FBXL13: variants seen among roughly 807,000 people sequenced by gnomAD.
FBXL13 encodes the protein F-box and leucine-rich repeat protein 13.
In FBXL13, 67 loss-of-function variants were observed where a neutral mutation model predicts 83.6. The observed-to-expected ratio is 0.80, with a 90% CI of 0.66 to 0.98. The LOEUF is 0.98. Ranked by LOEUF, FBXL13 falls within the 50% of genes least tolerant of loss-of-function variation. The pLI is 0.00. For synonymous variants in FBXL13, 272 were observed against 299.5 expected (o/e 0.91, Z 0.95); for missense variants, 822 against 866.5 (o/e 0.95, Z 0.64).
intron 6 of FBXL13, among the ~76,000 whole-genome samples, chr7:102,974,696 C>G (rs1159803472): frequency 6.6e-6 from 1 of 152,098 alleles, no homozygotes; most frequent in Non-Finnish European, 1.5e-5. Context: ...CTTTCTCCTC[C>G]CAACTCGACA....
chr7:102,993,294 TACA>T (rs1829770571), intron 6 of FBXL13, among the ~76,000 whole-genome samples: 1 of 152,244 alleles, frequency 6.6e-6, no homozygotes, highest in Non-Finnish European at 1.5e-5. Flanking sequence ...CTGGCTCTTT[TACA>T]ACATGGTACT....
chr7:102,939,889 T>C (rs1405824691), intron 8 of FBXL13, among the ~76,000 whole-genome samples: 6 of 151,766 alleles, frequency 4.0e-5, no homozygotes, highest in Non-Finnish European at 8.8e-5. Flanking sequence ...TACTAAAATG[T>C]AGTGGTTTTT....
intron 11 of FBXL13, among the ~76,000 whole-genome samples, chr7:102,904,988 T>A (rs1430309666): frequency 6.6e-6 from 1 of 152,214 alleles, no homozygotes; most frequent in African/African-American, 2.4e-5. Context: ...TTGATATTAT[T>A]TCAGTTTTTT....
At chr7:102,875,299 TC>T (rs1563027144) in intron 16 of FBXL13, among the ~76,000 whole-genome samples, 1 of 150,036 alleles carries the variant, frequency 6.7e-6, no homozygotes, top group Non-Finnish European at 1.5e-5. Context: ...AGAATCTATG[TC>T]AAAAGGAAAG....
intron 2 of FBXL13, among the ~76,000 whole-genome samples, chr7:103,038,270 G>C (rs535282090): frequency 6.6e-6 from 1 of 152,326 alleles, no homozygotes; most frequent in South Asian, 2.1e-4. Context: ...TGCCATTGCT[G>C]AGGCTTGAGT....
At chr7:103,032,144 A>G (rs1031806360) in intron 2 of FBXL13, among the ~76,000 whole-genome samples, 3 of 152,208 alleles carry the variant, frequency 2.0e-5, no homozygotes, top group African/African-American at 4.8e-5. Flanking sequence ...TTTTGAAAAG[A>G]TATTATATGT....
At position 102,935,142 on chromosome 7, in the gene FBXL13, T is replaced by C. The variant is rs552905953; in HGVS notation, c.725-3209A>G. Among the ~76,000 whole-genome samples the C allele has an allele frequency of 2.8e-4, 43 of 151,666 alleles. 2 individuals carry two copies. In the South Asian group the frequency reaches 8.8e-3, roughly 31 times the overall value. ...GCAGGACAGGACTGTGAGAGCACTC[T>C]GAGACAGAGTGAAAGTGATGGCCCT... On this transcript the variant is annotated intron_variant, in intron 8 of 19. Coordinates refer to ENST00000313221, the Ensembl canonical transcript of FBXL13.
At chr7:103,024,133 A>AG (rs1793549200) in intron 6 of FBXL13, among the ~76,000 whole-genome samples, 1 of 70,660 alleles carries the variant, frequency 1.4e-5, no homozygotes, top group Non-Finnish European at 3.8e-5. Context: ...ATAAAAGTTA[A>AG]AAAGAGAGAG....
At chr7:102,944,602 G>C (rs745479636) in intron 8 of FBXL13, 2 of 1,592,630 alleles carry the variant, frequency 1.3e-6, no homozygotes, top group Non-Finnish European at 1.7e-6. Flanking sequence ...TACTATAGTA[G>C]GATAAGGTAG....
In FBXL13 at chr7:102,964,402, A is replaced by T. The variant is rs539659342; in HGVS notation, c.592-737T>A. On this transcript the variant is annotated intron_variant, in intron 7 of 19. Transcript: ENST00000313221. The stretch of plus-strand genomic sequence containing the variant: ...CACAATTTTGTGACTATATATATAT[A>T]TATTTTTTTTTTTTTTTCCAGACTG... Among the ~76,000 whole-genome samples, 123 of 134,810 alleles carry T rather than the reference A, an allele frequency of 9.1e-4. 3 individuals are homozygous for T. The South Asian group carries it at 0.022, about 24-fold the overall frequency. 88.4% of individuals were successfully genotyped at this position (134,810 alleles called of 152,430 possible). A position where few individuals can be genotyped will look rare whatever the true frequency, so the allele number is the denominator to read the frequency against.
At chr7:102,941,924 TTCTACTGATG>T (rs1450927397) in intron 8 of FBXL13, among the ~76,000 whole-genome samples, 1 of 152,150 alleles carries the variant, frequency 6.6e-6, no homozygotes, top group East Asian at 1.9e-4. Flanking sequence ...CTTGCCTTGC[TTCTACTGATG>T]TTTTTCACAT....
At chr7:102,854,935 T>C (rs1562999468) in intron 16 of FBXL13, 75 bp from the exon 18 acceptor site, 1 of 802,236 alleles carries the variant, frequency 1.2e-6, no homozygotes, top group Non-Finnish European at 1.9e-6. Flanking sequence ...TAACCATTTA[T>C]ACAAACTGAC....
chr7:103,018,198 C>A (rs1331829743), intron 6 of FBXL13, among the ~76,000 whole-genome samples: 4 of 152,266 alleles, frequency 2.6e-5, no homozygotes, highest in Admixed American at 1.3e-4. Flanking sequence ...GAATTTTCAA[C>A]CCAGAATTTC....
chr7:103,012,981 A>G (rs748177508), intron 6 of FBXL13, among the ~76,000 whole-genome samples: 2 of 152,248 alleles, frequency 1.3e-5, no homozygotes, highest in East Asian at 3.8e-4. Context: ...ATAAAAAGGC[A>G]GGGGCTGCTA....
In FBXL13 at chr7:102,873,138, T is replaced by A. The variant is rs548215293; in HGVS notation, c.1635+4329A>T. On this transcript the variant is annotated intron_variant, in intron 16 of 19. Transcript: ENST00000313221. The stretch of plus-strand genomic sequence containing the variant: ...ACTTCTTCATGAGTTTTCATGATTT[T>A]TCAGAACACAGTGTCCCTTTAGCCT... Among the ~76,000 whole-genome samples the A allele has an allele frequency of 2.6e-5, 4 of 152,362 alleles. No homozygotes were observed. The South Asian group carries it at 8.3e-4, about 32-fold the overall frequency.
chr7:103,014,042 T>C (rs552352685), intron 6 of FBXL13, among the ~76,000 whole-genome samples: 4 of 152,116 alleles, frequency 2.6e-5, no homozygotes, highest in African/African-American at 9.6e-5. Flanking sequence ...CTAAAAGAAA[T>C]GGATAAATTC....
chr7:102,915,779 C>T (rs985951925), intron 10 of FBXL13, among the ~76,000 whole-genome samples: 1 of 152,040 alleles, frequency 6.6e-6, no homozygotes, highest in African/African-American at 2.4e-5. Context: ...TCTTTATTAA[C>T]ATATTAAGTA....
chr7:103,004,775 C>T (rs944049801), intron 6 of FBXL13, among the ~76,000 whole-genome samples: 1 of 152,120 alleles, frequency 6.6e-6, no homozygotes. Flanking sequence ...TTTCTTTGTA[C>T]ACCCAGGAAT....
chr7:102,920,713 G>C (rs1390667044), intron 10 of FBXL13, among the ~76,000 whole-genome samples: 1 of 152,040 alleles, frequency 6.6e-6, no homozygotes, highest in African/African-American at 2.4e-5. Flanking sequence ...CAAAGAGAAT[G>C]AATTTAAAAA....
Sources: allele counts gnomAD v4.1 joint callset (sites outside exome capture counted in the v4.1 genomes callset), GRCh38; gene constraint gnomAD v4.1.1; transcripts MANE v1.5; gene names NCBI Gene and HGNC (gene_info 2026-07-23, HGNC 2026-07-21).